MVB12B: variants seen among roughly 807,000 people sequenced by gnomAD.
The protein encoded by MVB12B is multivesicular body subunit 12B.
In MVB12B, 16 loss-of-function variants were observed where a neutral mutation model predicts 41.6. That is an observed-to-expected ratio of 0.38 (90% CI 0.26 to 0.58). MVB12B has a LOEUF of 0.58. Ranked by LOEUF, MVB12B falls within the 20% of genes least tolerant of loss-of-function variation. MVB12B has a pLI of 0.62. For synonymous variants in MVB12B, 133 were observed against 139.7 expected (o/e 0.95, Z 0.34); for missense variants, 274 against 380.2 (o/e 0.72, Z 2.32).
At chr9:126,489,200 G>T (rs762869954) in intron 9 of MVB12B, among the ~76,000 whole-genome samples, 3 of 152,220 alleles carry the variant, frequency 2.0e-5, no homozygotes, top group Non-Finnish European at 4.4e-5. Flanking sequence ...ACCCTCATGG[G>T]CTGTGTAGGC....
At chr9:126,358,603 G>T (rs1829946679) in intron 2 of MVB12B, among the ~76,000 whole-genome samples, 1 of 152,196 alleles carries the variant, frequency 6.6e-6, no homozygotes, top group Non-Finnish European at 1.5e-5. Context: ...CTCCATTCTT[G>T]TTGATAGAAA....
chr9:126,377,899 GT>G (rs1830524571), intron 2 of MVB12B, among the ~76,000 whole-genome samples: 1 of 152,026 alleles, frequency 6.6e-6, no homozygotes, highest in African/African-American at 2.4e-5. Context: ...CCCTTTTTTG[GT>G]TTAGAAACAT....
intron 9 of MVB12B, among the ~76,000 whole-genome samples, chr9:126,500,225 C>T (rs1302860319): frequency 1.3e-5 from 2 of 150,476 alleles, no homozygotes; most frequent in African/African-American, 4.9e-5. Flanking sequence ...AGCAGAAGGG[C>T]GCGGCCCAGG....
intron 7 of MVB12B, among the ~76,000 whole-genome samples, chr9:126,462,361 G>T (rs749865244): frequency 1.3e-5 from 2 of 152,164 alleles, no homozygotes; most frequent in Non-Finnish European, 2.9e-5. Context: ...ACATTTCCGT[G>T]CCCGCATGAG....
intron 7 of MVB12B, 101 bp downstream of exon 7, chr9:126,422,049 C>A: frequency 1.2e-6 from 1 of 844,690 alleles, no homozygotes; most frequent in Non-Finnish European, 2.0e-6. Context: ...GTCTGCCTTA[C>A]CTCTCTTTTC....
At chr9:126,500,573 C>T (rs1342288218) in intron 9 of MVB12B, among the ~76,000 whole-genome samples, 1 of 152,234 alleles carries the variant, frequency 6.6e-6, no homozygotes, top group Non-Finnish European at 1.5e-5. Context: ...ATTCTCAGGC[C>T]TGGCCCCAGA....
intron 6 of MVB12B, among the ~76,000 whole-genome samples, chr9:126,410,324 G>A (rs1388130447): frequency 6.6e-6 from 1 of 152,184 alleles, no homozygotes; most frequent in Non-Finnish European, 1.5e-5. Context: ...CACTTACTTT[G>A]TGCCCTGTGT....
intron 7 of MVB12B, among the ~76,000 whole-genome samples, chr9:126,447,822 T>C (rs1263985862): frequency 3.9e-5 from 6 of 152,240 alleles, no homozygotes; most frequent in Admixed American, 3.9e-4. Context: ...GATCATTGGT[T>C]TTATTTTGTA....
chr9:126,364,695 T>G (rs1258074556), intron 2 of MVB12B, among the ~76,000 whole-genome samples: 3 of 152,230 alleles, frequency 2.0e-5, no homozygotes, highest in Non-Finnish European at 4.4e-5. Flanking sequence ...TGGACCCACC[T>G]TGAGGTTAAT....
chr9:126,464,392 C>G (rs921917857), intron 7 of MVB12B, among the ~76,000 whole-genome samples: 3 of 151,636 alleles, frequency 2.0e-5, no homozygotes, highest in Admixed American at 2.0e-4. Flanking sequence ...GTGTAGGGAG[C>G]AGAGTGGCAG....
At position 126,468,977 on chromosome 9, in the gene MVB12B, T is replaced by C. The variant is rs1426066432; in HGVS notation, c.758-12392T>C. 1.3e-5 allele frequency among the ~76,000 whole-genome samples: 2 copies of C among 152,232 alleles called. No individual in the cohort carries two copies. The highest frequency in any genetic ancestry group is 2.9e-5 in the Non-Finnish European group (2 of 68,038). On this transcript the variant is annotated intron_variant, in intron 7 of 9. Coordinates refer to ENST00000361171, the MANE Select transcript of MVB12B (RefSeq NM_033446.3). This position sits in a 1 kb window ranked among gnomAD's most constrained non-coding sequence, Gnocchi z 4.3. ...AAGTAAATTGCAAAACAGTTACTTA[T>C]GCTGTGATGCTATTTTTATTAAAAA...
At chr9:126,452,708 T>C (rs1832907755) in intron 7 of MVB12B, among the ~76,000 whole-genome samples, 1 of 151,918 alleles carries the variant, frequency 6.6e-6, no homozygotes, top group Admixed American at 6.6e-5. Context: ...ACCTGGATGT[T>C]TGGGTGTTGG....
chr9:126,381,954 A>G (rs773161455), intron 3 of MVB12B, among the ~76,000 whole-genome samples: 9 of 152,000 alleles, frequency 5.9e-5, no homozygotes, highest in Non-Finnish European at 1.2e-4. Context: ...AGCCCCAAAC[A>G]GGGAGCAGTT....
At chr9:126,442,280 G>T (rs117046842) in intron 7 of MVB12B, among the ~76,000 whole-genome samples, 16 of 152,262 alleles carry the variant, frequency 1.1e-4, no homozygotes, top group South Asian at 2.1e-4. Flanking sequence ...ATCAGAAATG[G>T]TTCTTTGTAT....
chr9:126,391,195 G>A lies in MVB12B; in HGVS notation c.410-871G>A, dbSNP rs7047352. 0.32 allele frequency among the ~76,000 whole-genome samples: 47,879 copies of A among 151,974 alleles called. 7,792 individuals are homozygous for A. Among genetic ancestry groups the A allele is most frequent in the South Asian group, 0.41 (1,991 of 4,808 alleles). ...TAGACTTACGTGTACCCCGGACGGC[G>A]TGCATGCCTAAAAAACCTAACCTGA... is the stretch of plus-strand genomic sequence containing the variant. On this transcript the variant is annotated intron_variant, in intron 4 of 9. Transcript: ENST00000361171. The surrounding 1 kb of genome is among the most constrained non-coding windows in gnomAD (Gnocchi z 4.4).
At chr9:126,405,974 G>A (rs1267585777) in intron 6 of MVB12B, among the ~76,000 whole-genome samples, 1 of 151,112 alleles carries the variant, frequency 6.6e-6, no homozygotes, top group Admixed American at 6.6e-5. Flanking sequence ...AGATATATAT[G>A]TAGTTTTAAT....
At chr9:126,495,175 G>A (rs1328384058) in intron 9 of MVB12B, among the ~76,000 whole-genome samples, 1 of 137,320 alleles carries the variant, frequency 7.3e-6, no homozygotes, top group Non-Finnish European at 1.6e-5. Context: ...CTGGGTAACA[G>A]AGTGAGATCC....
At chr9:126,454,266 A>G (rs1408085558) in intron 7 of MVB12B, among the ~76,000 whole-genome samples, 2 of 152,160 alleles carry the variant, frequency 1.3e-5, no homozygotes, top group Non-Finnish European at 2.9e-5. Flanking sequence ...TGCTGCCCTG[A>G]CCCACCAGGG....
intron 2 of MVB12B, among the ~76,000 whole-genome samples, chr9:126,378,988 C>T (rs1830563617): frequency 1.3e-5 from 2 of 152,196 alleles, no homozygotes. Flanking sequence ...CTCTGTGGCA[C>T]TTCCAGATAT....
Sources: gnomAD v4.1 joint callset for allele counts (sites outside exome capture counted in the v4.1 genomes callset) on GRCh38, gnomAD v4.1.1 for gene constraint, Gnocchi (gnomAD v3.1) non-coding constraint, MANE v1.5 for transcripts, NCBI Gene and HGNC (gene_info 2026-07-23, HGNC 2026-07-21) for gene names.